Variants in TRAPPC9 observed in about 807,000 individuals in gnomAD.
TRAPPC9 encodes IKK2 binding protein.
A neutral mutation model predicts 124.0 loss-of-function variants in TRAPPC9; 83 were observed. The ratio of observed to expected loss-of-function variants is 0.67; its 90% CI spans 0.56 to 0.80. The LOEUF (loss-of-function observed/expected upper bound fraction) is 0.80, where lower values mean the gene tolerates loss of function less well. Ranked by LOEUF, TRAPPC9 falls within the 30% of genes least tolerant of loss-of-function variation. The pLI, the probability that TRAPPC9 is intolerant of heterozygous loss-of-function variation, is 0.00. For missense variants in TRAPPC9, 1,302 were observed against 1,508.3 expected, an observed-to-expected ratio of 0.86 and a Z score of 2.27; for synonymous variants, 638 against 617.5, an observed-to-expected ratio of 1.03 and a Z score of -0.49.
chr8:140,101,532 C>CTTT (rs1234280796), intron 17 of TRAPPC9, among the ~76,000 whole-genome samples: 2,687 of 78,488 alleles, frequency 0.034, 309 homozygotes, highest in East Asian at 0.064. Context: ...GTAGGGTTTT[C>CTTT]TTTTTTTTGT....
intron 17 of TRAPPC9, among the ~76,000 whole-genome samples, chr8:140,075,618 G>A (rs1843460940): frequency 6.6e-6 from 1 of 152,214 alleles, no homozygotes; most frequent in South Asian, 2.1e-4. Context: ...TCCAACATTT[G>A]TTAAGCATGT....
At chr8:140,333,861 G>A (rs1287295512) in intron 9 of TRAPPC9, among the ~76,000 whole-genome samples, 1 of 152,198 alleles carries the variant, frequency 6.6e-6, no homozygotes, top group Non-Finnish European at 1.5e-5. Context: ...GAAGTTTAAA[G>A]TAAGGGAATT....
intron 17 of TRAPPC9, among the ~76,000 whole-genome samples, chr8:140,158,876 G>A (rs1402344274): frequency 2.0e-5 from 3 of 152,166 alleles, no homozygotes; most frequent in African/African-American, 4.8e-5. Flanking sequence ...TATTTGACAC[G>A]ATTTTACAAC....
Position 140,182,036 on chromosome 8 carries a change from GACTCAGT to G in TRAPPC9, c.2556+39416_2556+39422del, listed in dbSNP as rs965533819. ...GTCCAATCTGAGGGAAGCCCTTCATGACTCAGTACCAGGGAGCTGCAGCCTGAACTCC... is the reference window on the plus strand; with the variant it reads ...GTCCAATCTGAGGGAAGCCCTTCATGACCAGGGAGCTGCAGCCTGAACTCC... On this transcript the variant is annotated intron_variant, in intron 17 of 22. Transcript: ENST00000438773. This position sits in a 1 kb window ranked among gnomAD's most constrained non-coding sequence, Gnocchi z 4.0. Among the ~76,000 whole-genome samples, 2 of 152,162 alleles carry G rather than the reference GACTCAGT, an allele frequency of 1.3e-5. No homozygotes were observed. The highest frequency in any genetic ancestry group is 2.1e-4 in the South Asian group (1 of 4,828).
chr8:140,298,245 A>G (rs996022339), intron 11 of TRAPPC9, among the ~76,000 whole-genome samples: 6 of 152,226 alleles, frequency 3.9e-5, no homozygotes, highest in African/African-American at 1.4e-4. Context: ...CCTCTGAAGC[A>G]CTTTATTTTT....
intron 16 of TRAPPC9, among the ~76,000 whole-genome samples, chr8:140,223,975 C>T (rs1057313704): frequency 2.6e-5 from 4 of 152,216 alleles, no homozygotes; most frequent in African/African-American, 9.6e-5. Context: ...AGGAATCAGA[C>T]ATTGTGCATC....
At chr8:140,308,972 G>T (rs552578625) in intron 10 of TRAPPC9, among the ~76,000 whole-genome samples, 1 of 152,020 alleles carries the variant, frequency 6.6e-6, no homozygotes, top group African/African-American at 2.4e-5. Context: ...CTAACTGTTC[G>T]CAGGGAGCTC....
chr8:140,045,631 G>GAA (rs57243402), intron 17 of TRAPPC9, among the ~76,000 whole-genome samples: 1,636 of 32,582 alleles, frequency 0.05, 116 homozygotes, highest in East Asian at 0.11. Flanking sequence ...CATCTCGGCA[G>GAA]AAAAAAAAAA....
intron 10 of TRAPPC9, among the ~76,000 whole-genome samples, chr8:140,307,040 A>C (rs1455360565): frequency 6.6e-6 from 1 of 152,164 alleles, no homozygotes; most frequent in Admixed American, 6.5e-5. Flanking sequence ...GTCTCCTTGC[A>C]GCCATGTGGT....
intron 19 of TRAPPC9, among the ~76,000 whole-genome samples, chr8:139,970,216 G>A (rs1241616237): frequency 6.6e-6 from 1 of 152,246 alleles, no homozygotes; most frequent in East Asian, 1.9e-4. Flanking sequence ...CGGGCATCAG[G>A]AGTCCAGGTC....
At chr8:139,847,923 G>A (rs1003787506) in intron 21 of TRAPPC9, among the ~76,000 whole-genome samples, 3 of 152,164 alleles carry the variant, frequency 2.0e-5, no homozygotes, top group Admixed American at 6.5e-5. Context: ...CAAAGCCTCC[G>A]CTCCCTGCCG....
chr8:140,053,447 T>A (rs190720806), intron 17 of TRAPPC9, among the ~76,000 whole-genome samples: 18 of 152,374 alleles, frequency 1.2e-4, no homozygotes, highest in African/African-American at 4.1e-4. Context: ...TCAGTCTTTT[T>A]AAATTTGGTA....
At chr8:139,975,846 T>TCTTCA (rs1461716763) in intron 19 of TRAPPC9, among the ~76,000 whole-genome samples, 1 of 151,904 alleles carries the variant, frequency 6.6e-6, no homozygotes, top group Non-Finnish European at 1.5e-5. Flanking sequence ...CTAATAAGTG[T>TCTTCA]CTTCAGAAAA....
chr8:140,172,050 T>C (rs2061977875), intron 17 of TRAPPC9, among the ~76,000 whole-genome samples: 2 of 152,116 alleles, frequency 1.3e-5, no homozygotes, highest in African/African-American at 4.8e-5. Flanking sequence ...AGCAAATACA[T>C]AATAGAAATT....
intron 21 of TRAPPC9, among the ~76,000 whole-genome samples, chr8:139,775,229 C>G (rs1490879918): frequency 6.6e-6 from 1 of 152,206 alleles, no homozygotes. Flanking sequence ...CCCCTTCCCG[C>G]CTGCCAGTCC....
At chr8:140,349,062 G>A (rs984929203) in intron 9 of TRAPPC9, among the ~76,000 whole-genome samples, 1 of 148,406 alleles carries the variant, frequency 6.7e-6, no homozygotes, top group African/African-American at 2.5e-5. Flanking sequence ...AGGGACGTCC[G>A]GCAGAGGGGG....
At chr8:140,313,763 C>T (rs1450106864) in intron 9 of TRAPPC9, among the ~76,000 whole-genome samples, 2 of 152,126 alleles carry the variant, frequency 1.3e-5, no homozygotes, top group African/African-American at 4.8e-5. Flanking sequence ...GGGGCAGAAG[C>T]GATCTGCGGA....
intron 21 of TRAPPC9, among the ~76,000 whole-genome samples, chr8:139,861,046 C>T (rs574551728): frequency 1.6e-4 from 24 of 152,346 alleles, no homozygotes; most frequent in African/African-American, 3.4e-4. Context: ...TTCTGTCAGG[C>T]GGCATATGCT....
chr8:139,760,472 C>A (rs77843881), intron 21 of TRAPPC9, among the ~76,000 whole-genome samples: 2,165 of 152,328 alleles, frequency 0.014, 33 homozygotes, highest in Middle Eastern at 0.034. Context: ...GGCAAAGTAG[C>A]GAAGGTTCTC....
Sources: allele counts gnomAD v4.1 joint callset (sites outside exome capture counted in the v4.1 genomes callset), GRCh38; gene constraint gnomAD v4.1.1; non-coding constraint Gnocchi (gnomAD v3.1); transcripts MANE v1.5; gene names NCBI Gene and HGNC (gene_info 2026-07-23, HGNC 2026-07-21).